IPMK: variants seen among roughly 807,000 people sequenced by gnomAD.
IPMK encodes the protein inositol polyphosphate multikinase.
In IPMK, 17 loss-of-function variants were observed where a neutral mutation model predicts 45.8. The ratio of observed to expected loss-of-function variants is 0.37; its 90% CI spans 0.25 to 0.56. IPMK has a LOEUF of 0.56. Among genes scored for constraint, IPMK ranks in the 20% least tolerant of loss-of-function variants. The probability of loss-of-function intolerance (pLI) is 0.79; values close to 1 mark genes in which losing one functional copy is unlikely to be tolerated. For missense variants in IPMK, 399 were observed against 498.0 expected (o/e 0.80, Z 1.89); for synonymous variants, 180 against 184.3 (o/e 0.98, Z 0.19).
chr10:58,259,605 G>A (rs766039395), intron 1 of IPMK, among the ~76,000 whole-genome samples: 2 of 149,830 alleles, frequency 1.3e-5, no homozygotes, highest in Non-Finnish European at 2.9e-5. Flanking sequence ...GTCTGAGGTG[G>A]GTGGATCGCA....
intron 1 of IPMK, among the ~76,000 whole-genome samples, chr10:58,239,540 CAGCCAAGCGGT>C (rs370140317): frequency 6.6e-6 from 1 of 152,104 alleles, no homozygotes; most frequent in African/African-American, 2.4e-5. Flanking sequence ...AAGCAGTAAT[CAGCCAAGCGGT>C]AGACAACAGC....
In IPMK at chr10:58,196,133, T is replaced by C. The variant is rs1434595751; in HGVS notation, c.1194A>G (p.Gly398=). The change falls in exon 6 of 6, where the codon GGA becomes GGG. Residue 398 remains glycine, a synonymous_variant. Transcript: ENST00000373935. ...HVFPSNTIDE[G]YVYGLKHLIS... ...TTAAATGCTTTAGCCCATAAACATATCCCTCATCTATTGTGTTGCTAGGGA... is the reference window on the plus strand; with the variant it reads ...TTAAATGCTTTAGCCCATAAACATACCCCTCATCTATTGTGTTGCTAGGGA... 6.2e-7 allele frequency: 1 copy of C among 1,613,818 alleles called. No individual in the cohort carries two copies. Among genetic ancestry groups the C allele is most frequent in the Non-Finnish European group, 8.5e-7 (1 of 1,179,844 alleles).
chr10:58,251,539 T>C (rs1448311855), intron 1 of IPMK, among the ~76,000 whole-genome samples: 3 of 152,182 alleles, frequency 2.0e-5, no homozygotes, highest in Non-Finnish European at 4.4e-5. Flanking sequence ...ACTGTGGATT[T>C]TCCTATCTGG....
chr10:58,220,414 C>T (rs1047067250), intron 3 of IPMK, among the ~76,000 whole-genome samples: 2 of 152,062 alleles, frequency 1.3e-5, no homozygotes, highest in South Asian at 4.1e-4. Context: ...ATAACTTGTG[C>T]CCAAAGAATC....
Position 58,218,657 on chromosome 10 carries a change from C to T in IPMK, c.374-2340G>A, listed in dbSNP as rs996966154. On this transcript the variant is annotated intron_variant, in intron 3 of 5. Coordinates refer to ENST00000373935, the MANE Select transcript of IPMK (RefSeq NM_152230.5). Reference sequence around the variant, plus strand: ...TGGGAGTATAAAGATAGTGAGAGAACGTAGCTAAATGTCACAGCATCTATA... The same window carrying T: ...TGGGAGTATAAAGATAGTGAGAGAATGTAGCTAAATGTCACAGCATCTATA... 2.6e-5 allele frequency among the ~76,000 whole-genome samples: 4 copies of T among 152,084 alleles called. No individual in the cohort carries two copies. The East Asian group carries it at 5.8e-4, about 22-fold the overall frequency.
intron 2 of IPMK, among the ~76,000 whole-genome samples, chr10:58,234,718 A>C (rs1310351108): frequency 2.6e-5 from 4 of 152,154 alleles, no homozygotes; most frequent in African/African-American, 9.7e-5. Flanking sequence ...AAACCCTAGA[A>C]GAAAACCTAG....
In IPMK at chr10:58,243,495, G is replaced by A. The variant is rs529319667; in HGVS notation, c.191-5681C>T. Among the ~76,000 whole-genome samples, 166 of 152,196 alleles carry A rather than the reference G, an allele frequency of 1.1e-3. 1 individual carries two copies. Among genetic ancestry groups the A allele is most frequent in the Middle Eastern group, 3.4e-3 (1 of 294 alleles). ...GGTGATTCTCCTGCCTCGGCCTGCC[G>A]AGTGCCTGTGATTCCAGGCACGTGC... On this transcript the variant is annotated intron_variant, in intron 1 of 5. Coordinates refer to ENST00000373935, the MANE Select transcript of IPMK (RefSeq NM_152230.5).
At chr10:58,218,476 T>A (rs1416766) in intron 3 of IPMK, among the ~76,000 whole-genome samples, 51,496 of 152,088 alleles carry the variant, frequency 0.34, 10,970 homozygotes, top group African/African-American at 0.61. Context: ...CTAGGGCTGC[T>A]CAATAATTTC....
chr10:58,231,699 A>T (rs1377379200), intron 2 of IPMK, among the ~76,000 whole-genome samples: 8 of 152,180 alleles, frequency 5.3e-5, no homozygotes, highest in Non-Finnish European at 1.2e-4. Flanking sequence ...GAAAGAAACA[A>T]CCAGTACCAG....
At chr10:58,222,637 T>G (rs1385584075) in intron 3 of IPMK, among the ~76,000 whole-genome samples, 1 of 152,226 alleles carries the variant, frequency 6.6e-6, no homozygotes, top group African/African-American at 2.4e-5. Flanking sequence ...AAGCTACATT[T>G]AAGAGGCTAT....
In IPMK at chr10:58,267,515, G is replaced by C; in HGVS notation, c.97C>G (p.Pro33Ala). The C allele has an allele frequency of 6.2e-7, 1 of 1,613,316 alleles. No individual in the cohort carries two copies. Among genetic ancestry groups the C allele is most frequent in the Non-Finnish European group, 8.5e-7 (1 of 1,179,778 alleles). ...PAIESTPEGTPQPAGGRLRFL... is the reference protein window; with the variant it reads ...PAIESTPEGTAQPAGGRLRFL... ...CGGAGTCTGCCGCCCGCCGGCTGCG[G>C]GGTGCCCTCAGGGGTGGACTCGATC... Residue 33 changes from proline to alanine, a missense_variant, in exon 1 of 6, where the codon CCG becomes GCG. Transcript: ENST00000373935.
intron 4 of IPMK, 103 bp from the exon 5 acceptor site, chr10:58,199,424 C>A: frequency 3.3e-6 from 2 of 600,488 alleles, no homozygotes; most frequent in South Asian, 3.2e-5. Context: ...TCAGGTAATT[C>A]ATTCTAATAG....
chr10:58,212,735 CT>C, intron 4 of IPMK: 1 of 235,344 alleles, frequency 4.2e-6, no homozygotes, highest in South Asian at 6.5e-5. Flanking sequence ...TCAAGTTTGC[CT>C]TTGATTGTTT....
At chr10:58,230,895 G>A (rs924962947) in intron 2 of IPMK, among the ~76,000 whole-genome samples, 1 of 152,152 alleles carries the variant, frequency 6.6e-6, no homozygotes, top group African/African-American at 2.4e-5. Flanking sequence ...AAAGGAGGAT[G>A]TTCGAACCCA....
intron 1 of IPMK, among the ~76,000 whole-genome samples, chr10:58,243,784 C>T (rs1298618802): frequency 2.6e-5 from 4 of 152,214 alleles, no homozygotes; most frequent in Non-Finnish European, 4.4e-5. Flanking sequence ...TCTGCCCACC[C>T]GCCACCCCAT....
At chr10:58,259,770 G>A (rs1588974100) in intron 1 of IPMK, among the ~76,000 whole-genome samples, 1 of 151,910 alleles carries the variant, frequency 6.6e-6, no homozygotes, top group South Asian at 2.1e-4. Flanking sequence ...AGCCTGGGAG[G>A]CGGAGGTTGC....
At chr10:58,223,439 G>A (rs1325114581) in intron 3 of IPMK, among the ~76,000 whole-genome samples, 1 of 152,140 alleles carries the variant, frequency 6.6e-6, no homozygotes, top group East Asian at 1.9e-4. Flanking sequence ...AGGCAACAGG[G>A]AGGGCATTTA....
chr10:58,249,397 A>G (rs955836600), intron 1 of IPMK, among the ~76,000 whole-genome samples: 3 of 152,144 alleles, frequency 2.0e-5, no homozygotes, highest in Non-Finnish European at 4.4e-5. Context: ...CGTTTTAATA[A>G]TAGCCATTTT....
At chr10:58,231,329 GCCACAAAGATACT>G (rs963522341) in intron 2 of IPMK, among the ~76,000 whole-genome samples, 1 of 152,084 alleles carries the variant, frequency 6.6e-6, no homozygotes, top group African/African-American at 2.4e-5. Context: ...TACGGAGAAT[GCCACAAAGATACT>G]CCTCGAGAAG....
Sources: allele counts gnomAD v4.1 joint callset (sites outside exome capture counted in the v4.1 genomes callset), GRCh38; gene constraint gnomAD v4.1.1; transcripts MANE v1.5; gene names NCBI Gene and HGNC (gene_info 2026-07-23, HGNC 2026-07-21).